GRM1: variants seen among roughly 807,000 people sequenced by gnomAD.
The protein encoded by GRM1 is glutamate metabotropic receptor 1, also known as metabotropic glutamate receptor 1.
In GRM1, 33 loss-of-function variants were observed where a neutral mutation model predicts 90.9. That is an observed-to-expected ratio of 0.36 (90% CI 0.28 to 0.49). GRM1 has a LOEUF of 0.49. Ranked by LOEUF, GRM1 falls within the 20% of genes least tolerant of loss-of-function variation. The probability of loss-of-function intolerance (pLI) is 0.99; values close to 1 mark genes in which losing one functional copy is unlikely to be tolerated. For missense variants in GRM1, 1,190 were observed against 1,534.3 expected (o/e 0.78, Z 3.75); for synonymous variants, 700 against 613.2 (o/e 1.14, Z -2.09).
Position 146,029,447 on chromosome 6 carries a change from C to A in GRM1, c.-71C>A. The A allele has an allele frequency of 1.6e-6, 2 of 1,241,924 alleles. No individual in the cohort carries two copies. The highest frequency in any genetic ancestry group is 1.2e-6 in the Non-Finnish European group (1 of 841,972). The allele number at this position is 1,241,924 out of a possible 1,614,324, so 76.9% of individuals were successfully genotyped here. ...GGCGGCGCTGGGCGTCTTGGGGGTG[C>A]GCGCCGGGAGCCTGCAGCGGGACCA... On this transcript the variant is annotated 5_prime_UTR_variant, in exon 1 of 8. Coordinates refer to ENST00000282753, the MANE Select transcript of GRM1 (RefSeq NM_001278064.2).
chr6:146,433,934 A>G lies in GRM1; in HGVS notation c.2723A>G (p.His908Arg), dbSNP rs368562505. The G allele has an allele frequency of 1.2e-6, 2 of 1,613,702 alleles. No homozygotes were observed. Among genetic ancestry groups the G allele is most frequent in the Admixed American group, 1.7e-5 (1 of 60,012 alleles). The part of the protein sequence containing the change: ...PGGGQVPKGQ[H>R]MWHRLSVHVK... ...GGAGGACAGGTGCCCAAGGGACAGC[A>G]TATGTGGCACCGCCTCTCTGTGCAC... Residue 908 changes from histidine (H) to arginine (R), a missense_variant, in exon 8 of 8, where the codon CAT becomes CGT. His to Arg is a conservative substitution (Grantham distance 29). Transcript: ENST00000282753.
At chr6:146,295,589 A>G (rs4538735) in intron 2 of GRM1, among the ~76,000 whole-genome samples, 34,439 of 152,034 alleles carry the variant, frequency 0.23, 8,158 homozygotes, top group African/African-American at 0.6. Flanking sequence ...TCAAAGCGTA[A>G]TGCTAGGTTT....
intron 2 of GRM1, among the ~76,000 whole-genome samples, chr6:146,283,915 G>C (rs1047532910): frequency 5.9e-5 from 9 of 152,256 alleles, no homozygotes; most frequent in African/African-American, 1.7e-4. Flanking sequence ...AGAAACAGTT[G>C]GCTTCTCAAT....
chr6:146,207,247 C>T (rs1779526523), intron 2 of GRM1, among the ~76,000 whole-genome samples: 2 of 152,168 alleles, frequency 1.3e-5, no homozygotes, highest in African/African-American at 4.8e-5. Flanking sequence ...CTGCTTTCTA[C>T]AATGGTTGAA....
At chr6:146,106,174 C>A (rs1775291275) in intron 1 of GRM1, among the ~76,000 whole-genome samples, 1 of 152,114 alleles carries the variant, frequency 6.6e-6, no homozygotes, top group Admixed American at 6.5e-5. Context: ...GGGGAATTAT[C>A]TCTTTTGTAA....
chr6:146,073,691 A>C (rs1429714984), intron 1 of GRM1, among the ~76,000 whole-genome samples: 2 of 152,130 alleles, frequency 1.3e-5, no homozygotes, highest in African/African-American at 4.8e-5. Context: ...ATGACAAAAA[A>C]CTTTACAAGT....
At chr6:146,137,199 C>G (rs959229458) in intron 1 of GRM1, among the ~76,000 whole-genome samples, 1 of 152,212 alleles carries the variant, frequency 6.6e-6, no homozygotes, top group East Asian at 1.9e-4. Flanking sequence ...ATTTTTGCTT[C>G]GGTTGCCTAT....
chr6:146,238,186 T>G (rs1432436342), intron 2 of GRM1, among the ~76,000 whole-genome samples: 1 of 152,190 alleles, frequency 6.6e-6, no homozygotes, highest in African/African-American at 2.4e-5. Context: ...AAGATTGTTT[T>G]CTATCATTTG....
intron 7 of GRM1, among the ~76,000 whole-genome samples, chr6:146,429,925 G>A (rs900973819): frequency 6.6e-6 from 1 of 152,154 alleles, no homozygotes. Flanking sequence ...AAGCCTAGAG[G>A]CAAAGACTTG....
chr6:146,278,754 A>G (rs982381193), intron 2 of GRM1, among the ~76,000 whole-genome samples: 1 of 152,224 alleles, frequency 6.6e-6, no homozygotes, highest in Non-Finnish European at 1.5e-5. Flanking sequence ...ACTGCACTCC[A>G]GCCTGGGTGA....
intron 5 of GRM1, among the ~76,000 whole-genome samples, chr6:146,364,635 G>T (rs1469489150): frequency 6.6e-6 from 1 of 151,846 alleles, no homozygotes; most frequent in African/African-American, 2.4e-5. Context: ...CCTCTCTTTT[G>T]TTCTCATTTT....
intron 6 of GRM1, among the ~76,000 whole-genome samples, chr6:146,392,931 T>C (rs550305065): frequency 7.2e-5 from 11 of 152,342 alleles, no homozygotes; most frequent in African/African-American, 2.6e-4. Flanking sequence ...TTATCTAGTC[T>C]ATCATTGTGG....
chr6:146,051,730 A>ATTGT (rs1775299276), intron 1 of GRM1, among the ~76,000 whole-genome samples: 1 of 152,086 alleles, frequency 6.6e-6, no homozygotes, highest in South Asian at 2.1e-4. Context: ...CTATTTCATA[A>ATTGT]TTGTTAGTGG....
Position 146,399,645 on chromosome 6 carries a change from C to G in GRM1, c.2606C>G (p.Ser869Cys). Residue 869 changes from serine (S) to cysteine (C), a missense_variant, in exon 7 of 8, where the codon TCC (serine) becomes TGC (cysteine). This residue lies in a region of GRM1 where 400 missense variants were observed against 360.8 expected (regional missense o/e 1.11). Transcript: ENST00000282753. This position sits in a 1 kb window ranked among gnomAD's most constrained non-coding sequence, Gnocchi z 5.4. ...GGCGATGGCAAGCTGCCCTGCCGCT[C>G]CAACACTTTCCTCAACATCTTCCGA... ...HVGDGKLPCR[S>C]NTFLNIFRRK... The G allele has an allele frequency of 6.2e-7, 1 of 1,614,024 alleles. No individual in the cohort carries two copies. The highest frequency in any genetic ancestry group is 8.5e-7 in the Non-Finnish European group (1 of 1,179,994).
chr6:146,054,918 C>G (rs1056986795), intron 1 of GRM1, among the ~76,000 whole-genome samples: 12 of 151,554 alleles, frequency 7.9e-5, no homozygotes, highest in Admixed American at 2.0e-4. Context: ...AGGGAAGATG[C>G]AGGGGTGGGT....
At chr6:146,248,894 G>A (rs1185828757) in intron 2 of GRM1, among the ~76,000 whole-genome samples, 1 of 152,180 alleles carries the variant, frequency 6.6e-6, no homozygotes, top group Non-Finnish European at 1.5e-5. Context: ...GGGAACTAGA[G>A]CAAAAGTCAC....
intron 2 of GRM1, among the ~76,000 whole-genome samples, chr6:146,301,209 C>T (rs1464619288): frequency 6.6e-6 from 1 of 152,068 alleles, no homozygotes; most frequent in Admixed American, 6.6e-5. Context: ...TTTATGACCT[C>T]TTAGATTTAA....
intron 7 of GRM1, among the ~76,000 whole-genome samples, chr6:146,410,869 G>T (rs1583460808): frequency 6.6e-6 from 1 of 152,154 alleles, no homozygotes; most frequent in Non-Finnish European, 1.5e-5. Flanking sequence ...AGTATGTGAA[G>T]CCAAAAGTTA....
At chr6:146,405,008 G>A (rs9497536) in intron 7 of GRM1, among the ~76,000 whole-genome samples, 2,826 of 152,244 alleles carry the variant, frequency 0.019, 110 homozygotes, top group African/African-American at 0.065. Context: ...CCAGTTATGC[G>A]AGCTGAAAGA....
Sources: gnomAD v4.1 joint callset for allele counts (sites outside exome capture counted in the v4.1 genomes callset) on GRCh38, gnomAD v4.1.1 for gene constraint, gnomAD v4.1.1 regional missense constraint, Gnocchi (gnomAD v3.1) non-coding constraint, MANE v1.5 for transcripts, NCBI Gene and HGNC (gene_info 2026-07-23, HGNC 2026-07-21) for gene names.